Variants in ZDHHC21 observed in about 807,000 individuals in gnomAD.
ZDHHC21 encodes palmitoyltransferase ZDHHC21.
Under a neutral mutation model 34.6 loss-of-function variants are expected in ZDHHC21, and 15 were observed. The ratio of observed to expected loss-of-function variants is 0.43; its 90% confidence interval spans 0.29 to 0.67. The LOEUF (loss-of-function observed/expected upper bound fraction) is 0.67. Ranked by LOEUF, ZDHHC21 falls within the 30% of genes least tolerant of loss-of-function variation. ZDHHC21 has a pLI of 0.14. For synonymous variants in ZDHHC21, 142 were observed against 101.8 expected, an observed-to-expected ratio of 1.40 and a Z score of -2.38; for missense variants, 344 against 327.7, an observed-to-expected ratio of 1.05 and a Z score of -0.38.
the ZDHHC21 span, among the ~76,000 whole-genome samples, chr9:14,598,441 T>C: frequency 6.6e-6 from 1 of 152,158 alleles, no homozygotes; most frequent in Non-Finnish European, 1.5e-5. Context: ...TAGATACATC[T>C]ATAGGAAAAA....
intron 2 of ZDHHC21, among the ~76,000 whole-genome samples, chr9:14,688,680 C>A (rs1423224923): frequency 6.6e-6 from 1 of 152,024 alleles, no homozygotes; most frequent in East Asian, 1.9e-4. Flanking sequence ...TGGCCAACGT[C>A]GTGAAACCCC....
intron 7 of ZDHHC21, among the ~76,000 whole-genome samples, chr9:14,649,583 C>T (rs1218751611): frequency 6.6e-6 from 1 of 152,032 alleles, no homozygotes; most frequent in Non-Finnish European, 1.5e-5. Flanking sequence ...GTAAAATGTA[C>T]TTTTCTCAGT....
At chr9:14,591,183 C>A in the ZDHHC21 span, among the ~76,000 whole-genome samples, 3 of 151,996 alleles carry the variant, frequency 2.0e-5, no homozygotes, top group Non-Finnish European at 4.4e-5. Flanking sequence ...GAAAAGGGAA[C>A]AAAGAACAGA....
intron 8 of ZDHHC21, among the ~76,000 whole-genome samples, chr9:14,630,974 T>G (rs1404241927): frequency 6.6e-6 from 1 of 152,210 alleles, no homozygotes; most frequent in African/African-American, 2.4e-5. Context: ...CTAGGATTTT[T>G]GGAATGGCAA....
At chr9:14,649,941 T>C (rs567939380) in intron 7 of ZDHHC21, among the ~76,000 whole-genome samples, 37 of 152,170 alleles carry the variant, frequency 2.4e-4, no homozygotes, top group Admixed American at 6.5e-4. Context: ...AGTAAGACAA[T>C]AAAATTGCTG....
intron 3 of ZDHHC21, among the ~76,000 whole-genome samples, chr9:14,679,812 G>C (rs1249635557): frequency 1.3e-5 from 2 of 152,050 alleles, no homozygotes; most frequent in Non-Finnish European, 2.9e-5. Context: ...TCAGAAAGAT[G>C]TTTCTGAAAC....
chr9:14,673,928 C>G (rs190220135), intron 4 of ZDHHC21, among the ~76,000 whole-genome samples: 1 of 152,022 alleles, frequency 6.6e-6, no homozygotes, highest in African/African-American at 2.4e-5. Flanking sequence ...GTTATCACTA[C>G]TGTGTCAGTT....
intron 7 of ZDHHC21, among the ~76,000 whole-genome samples, chr9:14,646,225 C>T (rs1315536216): frequency 6.6e-6 from 1 of 152,056 alleles, no homozygotes; most frequent in African/African-American, 2.4e-5. Context: ...TGAAAATAAA[C>T]TGTATCTAAA....
chr9:14,661,469 T>G (rs1054156681), intron 6 of ZDHHC21, among the ~76,000 whole-genome samples: 2 of 152,228 alleles, frequency 1.3e-5, no homozygotes, highest in Non-Finnish European at 2.9e-5. Context: ...TGTCAAATTC[T>G]ACACTATACC....
intron 8 of ZDHHC21, among the ~76,000 whole-genome samples, chr9:14,635,691 C>T (rs1828168494): frequency 6.6e-6 from 1 of 152,158 alleles, no homozygotes; most frequent in African/African-American, 2.4e-5. Context: ...GAGTCCTACA[C>T]TTGGAAACGA....
chr9:14,644,371 T>C (rs1247380101), intron 7 of ZDHHC21, among the ~76,000 whole-genome samples: 1 of 152,208 alleles, frequency 6.6e-6, no homozygotes, highest in Non-Finnish European at 1.5e-5. Context: ...CTTGTCTTAC[T>C]GCACTGGCTA....
chr9:14,678,082 T>C (rs1836748846), intron 3 of ZDHHC21, among the ~76,000 whole-genome samples: 1 of 152,110 alleles, frequency 6.6e-6, no homozygotes, highest in South Asian at 2.1e-4. Flanking sequence ...GTGCCTACCA[T>C]TCTGCTTACT....
intron 5 of ZDHHC21, among the ~76,000 whole-genome samples, chr9:14,664,918 G>A (rs1418054376): frequency 6.6e-6 from 1 of 151,420 alleles, no homozygotes; most frequent in East Asian, 1.9e-4. Context: ...CAGAAAAACT[G>A]GAAACTCTAA....
intron 6 of ZDHHC21, 60 bp downstream of exon 6, chr9:14,662,155 G>A: frequency 7.9e-7 from 1 of 1,260,900 alleles, no homozygotes; most frequent in Non-Finnish European, 1.1e-6. Context: ...CTGCCAAGTT[G>A]TAAGATTTAC....
intron 4 of ZDHHC21, among the ~76,000 whole-genome samples, 176 bp downstream of exon 4, chr9:14,674,011 A>T (rs1476346321): frequency 6.6e-6 from 1 of 152,032 alleles, no homozygotes; most frequent in East Asian, 1.9e-4. Flanking sequence ...TCTAACTGCA[A>T]ATCTATAAAG....
At chr9:14,641,828 TAA>T (rs1002533656) in intron 7 of ZDHHC21, among the ~76,000 whole-genome samples, 2 of 152,180 alleles carry the variant, frequency 1.3e-5, no homozygotes, top group Admixed American at 1.3e-4. Context: ...AATATTTATA[TAA>T]AAGAGTGCTG....
chr9:14,665,566 A>G (rs1309088329), intron 5 of ZDHHC21, among the ~76,000 whole-genome samples: 5 of 151,418 alleles, frequency 3.3e-5, no homozygotes, highest in Admixed American at 3.3e-4. Context: ...CAAAGTTGAA[A>G]TGAAGGAAAA....
intron 2 of ZDHHC21, among the ~76,000 whole-genome samples, chr9:14,683,006 T>A (rs1230991678): frequency 6.6e-6 from 1 of 152,154 alleles, no homozygotes; most frequent in Non-Finnish European, 1.5e-5. Flanking sequence ...AGACACAACA[T>A]ACCAGAATCT....
At chr9:14,632,826 G>T (rs1827593163) in intron 8 of ZDHHC21, among the ~76,000 whole-genome samples, 1 of 152,078 alleles carries the variant, frequency 6.6e-6, no homozygotes, top group Admixed American at 6.6e-5. Flanking sequence ...ACAAGCATGT[G>T]AAAAGATACT....
Sources: allele counts gnomAD v4.1 joint callset (sites outside exome capture counted in the v4.1 genomes callset), GRCh38; gene constraint gnomAD v4.1.1; transcripts MANE v1.5; gene names NCBI Gene and HGNC (gene_info 2026-07-23, HGNC 2026-07-21).